The following TAF1B variants were observed in gnomAD, a reference collection of about 807,000 sequenced individuals.
TAF1B encodes TATA-box binding protein associated factor, RNA polymerase I subunit B.
Under a neutral mutation model 83.9 loss-of-function variants are expected in TAF1B, and 61 were observed. The observed-to-expected ratio is 0.73, with a 90% CI of 0.59 to 0.90. The LOEUF is 0.90. Among genes scored for constraint, TAF1B ranks in the 40% least tolerant of loss-of-function variants. The pLI is 0.00. For missense variants in TAF1B, 625 were observed against 677.0 expected, an observed-to-expected ratio of 0.92 and a Z score of 0.85; for synonymous variants, 221 against 224.6, an observed-to-expected ratio of 0.98 and a Z score of 0.14.
At chr2:9,925,247 C>T (rs1002064738) in intron 14 of TAF1B, among the ~76,000 whole-genome samples, 1 of 152,052 alleles carries the variant, frequency 6.6e-6, no homozygotes, top group African/African-American at 2.4e-5. Flanking sequence ...CGAGACCATC[C>T]TGGCCAACAT....
At chr2:9,916,126 T>G (rs1446875288) in intron 12 of TAF1B, among the ~76,000 whole-genome samples, 1 of 152,226 alleles carries the variant, frequency 6.6e-6, no homozygotes, top group Non-Finnish European at 1.5e-5. Context: ...TACGTAGTAA[T>G]TGTGGTGAGT....
At position 9,934,098 on chromosome 2, in the gene TAF1B, T is replaced by C; in HGVS notation, c.*114T>C. 1.2e-6 allele frequency: 1 copy of C among 816,168 alleles called. No individual in the cohort carries two copies. The highest frequency in any genetic ancestry group is 2.0e-5 in the South Asian group (1 of 49,908). 50.6% of individuals were successfully genotyped at this position (816,168 alleles called of 1,614,324 possible). A position where few individuals can be genotyped will look rare whatever the true frequency, so the allele number is the denominator to read the frequency against. Reference sequence around the variant, plus strand: ...ATACTGCATATATATGTATAGACTCTGACACATATTTACATATATATCAAG... The same window carrying C: ...ATACTGCATATATATGTATAGACTCCGACACATATTTACATATATATCAAG... On this transcript the variant is annotated 3_prime_UTR_variant, in exon 15 of 15. Transcript: ENST00000263663.
rs1665585613 is a variant in TAF1B, at chr2:9,913,212, G to GAAACAAA, written c.1235_1236insAACAAAA (p.Asp412GlufsTer4). The GAAACAAA allele has an allele frequency of 6.2e-7, 1 of 1,612,904 alleles. No individual in the cohort carries two copies. The highest frequency in any genetic ancestry group is 1.3e-5 in the African/African-American group (1 of 74,882). The stretch of plus-strand genomic sequence containing the variant: ...GTACCAAATTATGAAGAAAGCTTTT[G>GAAACAAA]ATGAGAAAAAACAAAAATGGGAAGA... On this transcript the variant is annotated frameshift_variant, in exon 12 of 15. Coordinates refer to ENST00000263663, the MANE Select transcript of TAF1B (RefSeq NM_005680.3). LOFTEE classifies it high-confidence loss of function.
chr2:9,877,175 A>C (rs1245199835), intron 7 of TAF1B, among the ~76,000 whole-genome samples: 1 of 152,146 alleles, frequency 6.6e-6, no homozygotes, highest in African/African-American at 2.4e-5. Flanking sequence ...AATTACCACT[A>C]TACTGATGAC....
intron 8 of TAF1B, among the ~76,000 whole-genome samples, chr2:9,893,697 A>G (rs1664937308): frequency 6.6e-6 from 1 of 152,124 alleles, no homozygotes; most frequent in South Asian, 2.1e-4. Flanking sequence ...TCAAATAATA[A>G]TCATAACTTT....
At chr2:9,845,073 G>C in intron 1 of TAF1B, 147 bp from the exon 2 acceptor site, 1 of 476,136 alleles carries the variant, frequency 2.1e-6, no homozygotes, top group Non-Finnish European at 3.7e-6. Context: ...CCTTGTTTGC[G>C]GATAATCTCT....
chr2:9,850,838 A>G (rs1296393155), intron 3 of TAF1B, among the ~76,000 whole-genome samples: 1 of 152,170 alleles, frequency 6.6e-6, no homozygotes, highest in Non-Finnish European at 1.5e-5. Context: ...AGTTTTGAGT[A>G]TTCCAGAAAA....
chr2:9,899,043 T>C (rs921152506), intron 8 of TAF1B, among the ~76,000 whole-genome samples: 1 of 152,012 alleles, frequency 6.6e-6, no homozygotes, highest in African/African-American at 2.4e-5. Context: ...CATTTGTAAG[T>C]GTGCAGCTCA....
chr2:9,917,402 A>G (rs1665714507), intron 12 of TAF1B, among the ~76,000 whole-genome samples: 2 of 152,220 alleles, frequency 1.3e-5, no homozygotes, highest in Non-Finnish European at 2.9e-5. Context: ...GATGCTACAG[A>G]TTTTTAAAAT....
At chr2:9,916,325 A>G (rs1205971080) in intron 12 of TAF1B, among the ~76,000 whole-genome samples, 7 of 152,250 alleles carry the variant, frequency 4.6e-5, no homozygotes, top group African/African-American at 1.7e-4. Flanking sequence ...TTGTAGTTTT[A>G]TGTAATGAGA....
At chr2:9,922,130 GT>G (rs1665897463) in intron 14 of TAF1B, among the ~76,000 whole-genome samples, 1 of 152,206 alleles carries the variant, frequency 6.6e-6, no homozygotes. Flanking sequence ...GAATCGGGCT[GT>G]TTCTATCCTA....
At chr2:9,876,839 C>G (rs1304613788) in intron 7 of TAF1B, among the ~76,000 whole-genome samples, 4 of 152,214 alleles carry the variant, frequency 2.6e-5, no homozygotes, top group Non-Finnish European at 4.4e-5. Context: ...TAACTACTTT[C>G]AATAATTAGC....
At chr2:9,849,918 A>G (rs1245790946) in intron 3 of TAF1B, among the ~76,000 whole-genome samples, 3 of 152,200 alleles carry the variant, frequency 2.0e-5, no homozygotes, top group Non-Finnish European at 4.4e-5. Context: ...TTTTGTGACT[A>G]GGTAGCTAGG....
At chr2:9,891,511 T>G (rs933786048) in intron 8 of TAF1B, among the ~76,000 whole-genome samples, 4 of 152,202 alleles carry the variant, frequency 2.6e-5, no homozygotes, top group African/African-American at 9.7e-5. Context: ...TGATAATAAC[T>G]GTTACTGTTA....
In TAF1B at chr2:9,879,917, C is replaced by T. The variant is rs556637933; in HGVS notation, c.708-2789C>T. 9.6e-4 allele frequency among the ~76,000 whole-genome samples: 146 copies of T among 152,320 alleles called. 1 individual carries two copies. Among genetic ancestry groups the T allele is most frequent in the African/African-American group, 3.3e-3 (139 of 41,560 alleles). ...GAAGGAAACCTCATACCCAGGGGAA[C>T]TGCGGGTTTCCAGTGTGAGAGTAAG... On this transcript the variant is annotated intron_variant, in intron 7 of 14. Coordinates refer to ENST00000263663, the MANE Select transcript of TAF1B (RefSeq NM_005680.3).
intron 14 of TAF1B, among the ~76,000 whole-genome samples, chr2:9,924,175 C>A (rs1052500251): frequency 6.6e-6 from 1 of 152,166 alleles, no homozygotes; most frequent in African/African-American, 2.4e-5. Flanking sequence ...CTTACCTGTT[C>A]TAGACCAGAG....
At chr2:9,923,487 T>A (rs12623211) in intron 14 of TAF1B, among the ~76,000 whole-genome samples, 77,224 of 151,736 alleles carry the variant, frequency 0.51, 22,683 homozygotes, top group Non-Finnish European at 0.67. Flanking sequence ...GAGACCAGCC[T>A]GACCAACATG....
At chr2:9,932,277 G>C (rs1449015714) in intron 14 of TAF1B, among the ~76,000 whole-genome samples, 1 of 152,190 alleles carries the variant, frequency 6.6e-6, no homozygotes, top group Non-Finnish European at 1.5e-5. Context: ...CAGCTTTTCT[G>C]CTCTGGTTTC....
chr2:9,915,151 G>A (rs958374014), intron 12 of TAF1B, among the ~76,000 whole-genome samples: 3 of 152,170 alleles, frequency 2.0e-5, no homozygotes, highest in African/African-American at 7.2e-5. Context: ...AGCCTGTGCA[G>A]AAAATCTCTA....
Sources: gnomAD v4.1 joint callset for allele counts (sites outside exome capture counted in the v4.1 genomes callset) on GRCh38, gnomAD v4.1.1 for gene constraint, MANE v1.5 for transcripts, NCBI Gene and HGNC (gene_info 2026-07-23, HGNC 2026-07-21) for gene names.